Variants in BABAM2 observed in about 807,000 individuals in gnomAD.
The protein encoded by BABAM2 is BRISC and BRCA1 A complex member 2, also known as BRISC and BRCA1-A complex member 2.
BABAM2 carries 31 observed loss-of-function variants against 54.7 expected under a neutral mutation model. That is an observed-to-expected ratio of 0.57 (90% CI 0.43 to 0.77). The LOEUF is 0.77. Ranked by LOEUF, BABAM2 falls within the 30% of genes least tolerant of loss-of-function variation. BABAM2 has a pLI of 0.00. For missense variants in BABAM2, 364 were observed against 455.8 expected (o/e 0.80, Z 1.83); for synonymous variants, 167 against 162.9 (o/e 1.03, Z -0.19).
chr2:28,334,918 C>T (rs1474086040), intron 11 of BABAM2, among the ~76,000 whole-genome samples: 1 of 152,130 alleles, frequency 6.6e-6, no homozygotes, highest in Non-Finnish European at 1.5e-5. Flanking sequence ...TTAAGGGTGA[C>T]TGTGGCGACT....
At chr2:28,046,809 G>A (rs1470916721) in intron 6 of BABAM2, among the ~76,000 whole-genome samples, 1 of 150,918 alleles carries the variant, frequency 6.6e-6, no homozygotes, top group Non-Finnish European at 1.5e-5. Flanking sequence ...TGGAAACATG[G>A]TCTTGCTCTG....
At chr2:28,031,575 A>T (rs1676293395) in intron 5 of BABAM2, among the ~76,000 whole-genome samples, 1 of 152,188 alleles carries the variant, frequency 6.6e-6, no homozygotes, top group Admixed American at 6.5e-5. Context: ...AAAATAAAGT[A>T]GATCAGATAT....
At chr2:28,065,293 C>T (rs1052527993) in intron 6 of BABAM2, among the ~76,000 whole-genome samples, 3 of 152,148 alleles carry the variant, frequency 2.0e-5, no homozygotes, top group African/African-American at 7.2e-5. Context: ...AAAAAAGATA[C>T]TAAGTTTACA....
At chr2:27,978,564 T>A (rs1316385620) in intron 3 of BABAM2, among the ~76,000 whole-genome samples, 3 of 152,232 alleles carry the variant, frequency 2.0e-5, no homozygotes, top group Non-Finnish European at 2.9e-5. Flanking sequence ...CAGTCAGTAA[T>A]CATTTAATGC....
At chr2:28,105,909 T>C (rs1361097385) in intron 6 of BABAM2, among the ~76,000 whole-genome samples, 1 of 151,852 alleles carries the variant, frequency 6.6e-6, no homozygotes, top group Non-Finnish European at 1.5e-5. Context: ...GCATGTGCAA[T>C]GGGTTTCTAA....
At chr2:28,173,071 G>A (rs1206694884) in intron 7 of BABAM2, among the ~76,000 whole-genome samples, 2 of 152,056 alleles carry the variant, frequency 1.3e-5, no homozygotes, top group African/African-American at 4.8e-5. Flanking sequence ...ATTGAACCAG[G>A]GCCCTACCCT....
chr2:28,086,047 A>T (rs1665610788), intron 6 of BABAM2, among the ~76,000 whole-genome samples: 1 of 152,194 alleles, frequency 6.6e-6, no homozygotes, highest in African/African-American at 2.4e-5. Context: ...TAAGGAAAAA[A>T]GATAACAGTA....
intron 4 of BABAM2, among the ~76,000 whole-genome samples, chr2:28,024,081 C>T (rs1019194074): frequency 6.6e-6 from 1 of 152,076 alleles, no homozygotes; most frequent in Non-Finnish European, 1.5e-5. Flanking sequence ...GTCACACATA[C>T]TCAGTTAAAA....
intron 7 of BABAM2, among the ~76,000 whole-genome samples, chr2:28,177,418 C>T (rs1476908873): frequency 1.3e-5 from 2 of 150,088 alleles, no homozygotes; most frequent in Non-Finnish European, 2.9e-5. Context: ...GGGCTCTACA[C>T]CTGAAAGTGA....
Position 28,055,059 on chromosome 2 carries a change from T to C in BABAM2, c.570+9260T>C, listed in dbSNP as rs543811954. 2.1e-3 allele frequency among the ~76,000 whole-genome samples: 318 copies of C among 152,302 alleles called. 1 individual carries two copies. The highest frequency in any genetic ancestry group is 7.2e-3 in the African/African-American group (301 of 41,574). The stretch of plus-strand genomic sequence containing the variant: ...CTGGATGAAAAAAATGTGGTACATA[T>C]GCACAAGTGAATACTGTACAGCCAT... On this transcript the variant is annotated intron_variant, in intron 6 of 11. Transcript: ENST00000379624.
intron 5 of BABAM2, among the ~76,000 whole-genome samples, chr2:28,045,179 T>C (rs1036203023): frequency 6.6e-6 from 1 of 152,186 alleles, no homozygotes; most frequent in Non-Finnish European, 1.5e-5. Flanking sequence ...GAGGGAGTTA[T>C]GAAAAACATC....
intron 7 of BABAM2, among the ~76,000 whole-genome samples, chr2:28,220,572 G>C (rs1200804628): frequency 6.6e-6 from 1 of 151,182 alleles, no homozygotes; most frequent in African/African-American, 2.4e-5. Flanking sequence ...TCTGTCTCTC[G>C]TATTACAAAA....
intron 11 of BABAM2, among the ~76,000 whole-genome samples, chr2:28,314,428 A>G (rs904163656): frequency 1.3e-5 from 2 of 152,186 alleles, no homozygotes; most frequent in Non-Finnish European, 2.9e-5. Context: ...GGTCTGAGTT[A>G]TCCCAAATTC....
At chr2:27,952,745 C>G (rs1349322714) in intron 3 of BABAM2, among the ~76,000 whole-genome samples, 1 of 152,132 alleles carries the variant, frequency 6.6e-6, no homozygotes, top group Admixed American at 6.5e-5. Flanking sequence ...GTAGCATTAT[C>G]CGACCACTGA....
chr2:28,175,280 A>T (rs921071778), intron 7 of BABAM2, among the ~76,000 whole-genome samples: 22 of 152,142 alleles, frequency 1.4e-4, no homozygotes, highest in African/African-American at 5.3e-4. Context: ...CACCCTGAAG[A>T]CAGGCTTTGC....
At chr2:27,987,380 A>G (rs564926991) in intron 3 of BABAM2, among the ~76,000 whole-genome samples, 1 of 152,332 alleles carries the variant, frequency 6.6e-6, no homozygotes, top group African/African-American at 2.4e-5. Context: ...GCAGGCAGTG[A>G]TTGGACAGTA....
chr2:28,248,533 C>A (rs1336207034), intron 10 of BABAM2, among the ~76,000 whole-genome samples: 1 of 151,898 alleles, frequency 6.6e-6, no homozygotes, highest in Non-Finnish European at 1.5e-5. Flanking sequence ...CAGAATGCAG[C>A]GTGGCAAGAG....
chr2:28,335,421 C>A (rs530966976), intron 11 of BABAM2, among the ~76,000 whole-genome samples: 1 of 152,284 alleles, frequency 6.6e-6, no homozygotes, highest in Admixed American at 6.5e-5. Flanking sequence ...ACACCCGCCT[C>A]GGCCTCCAAA....
chr2:28,128,480 CA>C (rs1445413637), intron 6 of BABAM2, among the ~76,000 whole-genome samples: 1 of 152,176 alleles, frequency 6.6e-6, no homozygotes, highest in African/African-American at 2.4e-5. Flanking sequence ...TTGTAAATTC[CA>C]CAGTTTTGAT....
Sources: allele counts gnomAD v4.1 joint callset (sites outside exome capture counted in the v4.1 genomes callset), GRCh38; gene constraint gnomAD v4.1.1; transcripts MANE v1.5; gene names NCBI Gene and HGNC (gene_info 2026-07-23, HGNC 2026-07-21).